Variants in ANKRD11 observed in about 807,000 individuals in gnomAD.
The protein encoded by ANKRD11 is ankyrin repeat domain-containing protein 11.
ANKRD11 carries 17 observed loss-of-function variants against 195.7 expected under a neutral mutation model. The ratio of observed to expected loss-of-function variants is 0.09; its 90% confidence interval spans 0.06 to 0.13. ANKRD11 has a LOEUF of 0.13. ANKRD11 is among the 10% of genes least tolerant of loss of function. The pLI, the probability that ANKRD11 is intolerant of heterozygous loss-of-function variation, is 1.00. For synonymous variants in ANKRD11, 1,953 were observed against 1,528.1 expected, an observed-to-expected ratio of 1.28 and a Z score of -6.49; for missense variants, 3,735 against 3,566.1, an observed-to-expected ratio of 1.05 and a Z score of -1.21.
At chr16:89,468,238 G>C (rs993032451) in intron 1 of ANKRD11, among the ~76,000 whole-genome samples, 2 of 152,204 alleles carry the variant, frequency 1.3e-5, no homozygotes, top group Admixed American at 6.5e-5. Flanking sequence ...AAAACTAAGA[G>C]GATTTGGGTT....
chr16:89,340,596 G>C (rs2151994447), intron 2 of ANKRD11, among the ~76,000 whole-genome samples: 1 of 152,342 alleles, frequency 6.6e-6, no homozygotes, highest in South Asian at 2.1e-4. Context: ...CTTTTATCAA[G>C]AGATCTTGGT....
Position 89,403,918 on chromosome 16 carries a change from G to A in ANKRD11, c.-60+14366C>T, listed in dbSNP as rs1291231374. Among the ~76,000 whole-genome samples, 3 of 152,244 alleles carry A rather than the reference G, an allele frequency of 2.0e-5. No individual in the cohort carries two copies. The South Asian group carries it at 6.2e-4, about 32-fold the overall frequency. ...CAGCCTGGTCAACAAAGCAAGACTT[G>A]TCTCTTAAAAAAGCAAAACAACAAC... is the stretch of plus-strand genomic sequence containing the variant. On this transcript the variant is annotated intron_variant, in intron 2 of 12. Coordinates refer to ENST00000301030, the MANE Select transcript of ANKRD11 (RefSeq NM_013275.6).
chr16:89,419,534 G>C (rs1021135305), intron 1 of ANKRD11, among the ~76,000 whole-genome samples: 1 of 151,102 alleles, frequency 6.6e-6, no homozygotes, highest in African/African-American at 2.4e-5. Context: ...AAACAAACCA[G>C]TCTAAATGGG....
At position 89,293,478 on chromosome 16, in the gene ANKRD11, G is replaced by A. The variant is rs982098969; in HGVS notation, c.227-2295C>T. On this transcript the variant is annotated intron_variant, in intron 4 of 12. Transcript: ENST00000301030. Reference sequence around the variant, plus strand: ...GGAGCTGGGGCAGAGTTGTGGCTGCGGAGGGAGGAGCTGGGGCAGAGTTGG... The same window carrying A: ...GGAGCTGGGGCAGAGTTGTGGCTGCAGAGGGAGGAGCTGGGGCAGAGTTGG... 4.4e-4 allele frequency among the ~76,000 whole-genome samples: 65 copies of A among 146,292 alleles called. 1 individual carries two copies. The highest frequency in any genetic ancestry group is 2.9e-4 in the Non-Finnish European group (19 of 66,586).
chr16:89,322,000 G>C (rs1290253059), intron 2 of ANKRD11, among the ~76,000 whole-genome samples: 1 of 152,186 alleles, frequency 6.6e-6, no homozygotes, highest in Non-Finnish European at 1.5e-5. Flanking sequence ...TCTCTAGTTT[G>C]CTCTACCCTA....
chr16:89,434,612 T>TA (rs2043136660), intron 1 of ANKRD11, among the ~76,000 whole-genome samples: 2 of 152,194 alleles, frequency 1.3e-5, no homozygotes, highest in African/African-American at 4.8e-5. Flanking sequence ...CGACAATCCA[T>TA]GCCTATAAAT....
At chr16:89,484,125 G>T (rs1219400149) in intron 1 of ANKRD11, among the ~76,000 whole-genome samples, 6 of 152,204 alleles carry the variant, frequency 3.9e-5, no homozygotes, top group Admixed American at 3.3e-4. Context: ...AGGTTATTCA[G>T]TGCTCTGCAC....
In ANKRD11 at chr16:89,428,198, AC is replaced by A. The variant is rs879432436; in HGVS notation, c.-144-9831del. Among the ~76,000 whole-genome samples, 305 of 151,498 alleles carry A rather than the reference AC, an allele frequency of 2.0e-3. 1 individual carries two copies. The highest frequency in any genetic ancestry group is 3.4e-3 in the Middle Eastern group (1 of 292). On this transcript the variant is annotated intron_variant, in intron 1 of 12. Coordinates refer to ENST00000301030, the MANE Select transcript of ANKRD11 (RefSeq NM_013275.6). ...ACTACAGCCTAGGCAGCAGAGCAAG[AC>A]TCCATCTCAAAAAAATAGATTAATT...
At chr16:89,430,775 A>G (rs1285962786) in intron 1 of ANKRD11, among the ~76,000 whole-genome samples, 1 of 152,174 alleles carries the variant, frequency 6.6e-6, no homozygotes, top group African/African-American at 2.4e-5. Flanking sequence ...TAACAAAAGA[A>G]ACATCACCAA....
intron 7 of ANKRD11, chr16:89,287,054 TGGAGGTC>T (rs2034698527): frequency 2.3e-6 from 3 of 1,289,732 alleles, no homozygotes; most frequent in Admixed American, 2.3e-5. Context: ...CTTACAATTG[TGGAGGTC>T]AGAGGTCAAG....
rs113752085 is a variant in ANKRD11 at position 89,339,355 on chromosome 16, GCAAA to G, written c.-59-22281_-59-22278del. On this transcript the variant is annotated intron_variant, in intron 2 of 12. Coordinates refer to ENST00000301030, the MANE Select transcript of ANKRD11 (RefSeq NM_013275.6). ...CAGGTTTGCTTGAAGGCTTACACTA[GCAAA>G]CAAACAAACAAACAAACAAACAAAG... Among the ~76,000 whole-genome samples the G allele has an allele frequency of 3.4e-3, 514 of 152,134 alleles. 2 individuals are homozygous for G. Among genetic ancestry groups the G allele is most frequent in the African/African-American group, 8.7e-3 (359 of 41,456 alleles).
chr16:89,341,354 T>G (rs901109186), intron 2 of ANKRD11, among the ~76,000 whole-genome samples: 2 of 152,132 alleles, frequency 1.3e-5, no homozygotes, highest in African/African-American at 4.8e-5. Flanking sequence ...AAGCAGACAA[T>G]TTAAGTTGTA....
chr16:89,379,780 AAAG>A (rs1373656322), intron 2 of ANKRD11, among the ~76,000 whole-genome samples: 1 of 152,400 alleles, frequency 6.6e-6, no homozygotes, highest in East Asian at 1.9e-4. Flanking sequence ...TACAACGGGC[AAAG>A]AAGATGTCAG....
chr16:89,448,813 C>T (rs1229367619), intron 1 of ANKRD11, among the ~76,000 whole-genome samples: 10 of 152,152 alleles, frequency 6.6e-5, no homozygotes, highest in Non-Finnish European at 4.4e-5. Flanking sequence ...TCCACCGGAG[C>T]GCACGTGAGT....
intron 1 of ANKRD11, among the ~76,000 whole-genome samples, chr16:89,462,688 C>A (rs1027300168): frequency 6.6e-6 from 1 of 150,914 alleles, no homozygotes; most frequent in Non-Finnish European, 1.5e-5. Flanking sequence ...GGCCGCCCAT[C>A]GTCTGAGATG....
chr16:89,298,566 C>T (rs2035603199), intron 4 of ANKRD11, among the ~76,000 whole-genome samples: 1 of 152,212 alleles, frequency 6.6e-6, no homozygotes, highest in African/African-American at 2.4e-5. Flanking sequence ...GCTGACTGCT[C>T]CCACGGCAGC....
chr16:89,424,523 G>T (rs932884996), intron 1 of ANKRD11, among the ~76,000 whole-genome samples: 3 of 151,892 alleles, frequency 2.0e-5, no homozygotes, highest in Non-Finnish European at 1.5e-5. Context: ...GGGTGTGGAC[G>T]GGTGAATGTG....
chr16:89,278,350 G>A (rs1007923925), intron 9 of ANKRD11: 43 of 360,882 alleles, frequency 1.2e-4, no homozygotes, highest in Non-Finnish European at 2.1e-4. Context: ...CGCGGCCCAG[G>A]GCAGAGAGTG....
chr16:89,295,938 A>T (rs2035397611), intron 4 of ANKRD11, among the ~76,000 whole-genome samples: 1 of 116,322 alleles, frequency 8.6e-6, no homozygotes, highest in African/African-American at 3.4e-5. Flanking sequence ...GGGGGCTGTG[A>T]ACCGCCTGGG....
Sources: allele counts gnomAD v4.1 joint callset (sites outside exome capture counted in the v4.1 genomes callset), GRCh38; gene constraint gnomAD v4.1.1; transcripts MANE v1.5; gene names NCBI Gene and HGNC (gene_info 2026-07-23, HGNC 2026-07-21).